The following KCNH8 variants were observed in gnomAD, a reference collection of about 807,000 sequenced individuals.
The protein encoded by KCNH8 is voltage-gated delayed rectifier potassium channel KCNH8.
Under a neutral mutation model 103.6 loss-of-function variants are expected in KCNH8, and 70 were observed. That is an observed-to-expected ratio of 0.68 (90% CI 0.56 to 0.82). KCNH8 has a LOEUF of 0.82. Ranked by LOEUF, KCNH8 falls within the 40% of genes least tolerant of loss-of-function variation. The pLI, the probability that KCNH8 is intolerant of heterozygous loss-of-function variation, is 0.00. For missense variants in KCNH8, 1,217 were observed against 1,329.9 expected, an observed-to-expected ratio of 0.92 and a Z score of 1.32; for synonymous variants, 498 against 489.4, an observed-to-expected ratio of 1.02 and a Z score of -0.23.
chr3:19,534,456 T>C lies in KCNH8; in HGVS notation c.*357T>C, dbSNP rs923872560. 4.0e-6 allele frequency: 1 copy of C among 248,606 alleles called. No homozygotes were observed. Among genetic ancestry groups the C allele is most frequent in the African/African-American group, 2.3e-5 (1 of 44,380 alleles). The allele number at this position is 248,606 out of a possible 1,614,324, so 15.4% of individuals were successfully genotyped here. A position where few individuals can be genotyped will look rare whatever the true frequency, so the allele number is the denominator to read the frequency against. ...TGTGAAGTATGGCAAAGGTTTTTCATGAGTGCCTGATTGTTATTCCTGAAC... is the reference window on the plus strand; with the variant it reads ...TGTGAAGTATGGCAAAGGTTTTTCACGAGTGCCTGATTGTTATTCCTGAAC... On this transcript the variant is annotated 3_prime_UTR_variant, in exon 16 of 16. Coordinates refer to ENST00000328405, the MANE Select transcript of KCNH8 (RefSeq NM_144633.3).
At chr3:19,308,783 TCTCC>T (rs2065172336) in intron 3 of KCNH8, among the ~76,000 whole-genome samples, 2 of 105,294 alleles carry the variant, frequency 1.9e-5, no homozygotes, top group Non-Finnish European at 3.7e-5. Context: ...CCTCTCTCTC[TCTCC>T]CTCTCTCTCT....
chr3:19,199,638 C>T (rs763852710), intron 1 of KCNH8, among the ~76,000 whole-genome samples: 1 of 149,932 alleles, frequency 6.7e-6, no homozygotes. Flanking sequence ...TATATATGTA[C>T]AAAATGATAT....
chr3:19,217,810 C>T (rs1484851200), intron 1 of KCNH8, among the ~76,000 whole-genome samples: 2 of 152,162 alleles, frequency 1.3e-5, no homozygotes, highest in African/African-American at 4.8e-5. Context: ...TTAACTTGTT[C>T]TGTGTGTCTG....
chr3:19,149,492 A>G (rs941507546), intron 1 of KCNH8, among the ~76,000 whole-genome samples: 1 of 151,640 alleles, frequency 6.6e-6, no homozygotes, highest in African/African-American at 2.4e-5. Flanking sequence ...CATTTAGCTC[A>G]TTTAAGCTAC....
Position 19,395,122 on chromosome 3 carries a change from C to A in KCNH8, c.988C>A (p.Leu330Ile), listed in dbSNP as rs1483336668. The A allele has an allele frequency of 6.2e-7, 1 of 1,612,014 alleles. No homozygotes were observed. Among genetic ancestry groups the A allele is most frequent in the Non-Finnish European group, 8.5e-7 (1 of 1,179,028 alleles). ...NVTVVSLVHL[L>I]KTVRLLRLLR... ...ACCACAGGTGTCTCTCGTGCATCTT[C>A]TAAAGACAGTGCGCCTCTTGCGTCT... Residue 330 changes from leucine (L) to isoleucine (I), a missense_variant, in exon 7 of 16, where the codon CTA (leucine) becomes ATA (isoleucine). By Grantham distance (5) the Leu-to-Ile change is conservative (BLOSUM62 2). Around this residue, in one of 3 missense-constraint regions of KCNH8, gnomAD observed 415 missense variants for 577.4 expected, o/e 0.72. Coordinates refer to ENST00000328405, the MANE Select transcript of KCNH8 (RefSeq NM_144633.3).
intron 11 of KCNH8, among the ~76,000 whole-genome samples, chr3:19,476,849 C>G (rs1349474320): frequency 6.6e-6 from 1 of 152,086 alleles, no homozygotes; most frequent in East Asian, 1.9e-4. Context: ...TATCAAGAAA[C>G]TTCTTTGGAT....
intron 7 of KCNH8, among the ~76,000 whole-genome samples, chr3:19,407,600 C>T (rs7611730): frequency 0.62 from 93,495 of 151,724 alleles, 29,244 homozygotes; most frequent in Middle Eastern, 0.7. Context: ...TTGTCTGATT[C>T]AACAGCCCGA....
intron 1 of KCNH8, among the ~76,000 whole-genome samples, chr3:19,196,996 A>G (rs1025401582): frequency 6.6e-6 from 1 of 152,076 alleles, no homozygotes; most frequent in Non-Finnish European, 1.5e-5. Flanking sequence ...AGATTTACAG[A>G]GGAAAGAAGT....
At chr3:19,426,483 T>C (rs1376335239) in intron 7 of KCNH8, among the ~76,000 whole-genome samples, 1 of 151,238 alleles carries the variant, frequency 6.6e-6, no homozygotes, top group African/African-American at 2.4e-5. Context: ...ATATGCATAT[T>C]GGGGCCCCTG....
At chr3:19,444,909 G>A (rs1304439426) in intron 8 of KCNH8, among the ~76,000 whole-genome samples, 3 of 151,884 alleles carry the variant, frequency 2.0e-5, no homozygotes, top group Non-Finnish European at 2.9e-5. Context: ...CATGTCAGTC[G>A]ATACAACTTT....
intron 2 of KCNH8, among the ~76,000 whole-genome samples, chr3:19,262,265 C>G (rs1228303085): frequency 6.6e-6 from 1 of 151,900 alleles, no homozygotes; most frequent in Non-Finnish European, 1.5e-5. Flanking sequence ...TTATTAGTCT[C>G]CTCTTCAGTG....
At chr3:19,326,382 TA>T in intron 3 of KCNH8, among the ~76,000 whole-genome samples, 1 of 142,546 alleles carries the variant, frequency 7.0e-6, no homozygotes, top group Non-Finnish European at 1.5e-5. Flanking sequence ...TATATATATA[TA>T]ATAAATGATT....
At position 19,221,995 on chromosome 3, in the gene KCNH8, G is replaced by A. The variant is rs140468546; in HGVS notation, c.77-31659G>A. Among the ~76,000 whole-genome samples the A allele has an allele frequency of 4.6e-3, 706 of 152,192 alleles. 6 individuals carry two copies. The highest frequency in any genetic ancestry group is 0.016 in the African/African-American group (669 of 41,544). On this transcript the variant is annotated intron_variant, in intron 1 of 15. Transcript: ENST00000328405. ...CCTGAGTAGCTGGGACTACAGGCAC[G>A]TGCCACCACACCAGGCTACTTTTTT...
At chr3:19,218,502 A>G (rs1040175195) in intron 1 of KCNH8, among the ~76,000 whole-genome samples, 1 of 152,204 alleles carries the variant, frequency 6.6e-6, no homozygotes, top group African/African-American at 2.4e-5. Context: ...CTCAGGCTTT[A>G]GTCAGATCAT....
At chr3:19,527,295 T>A (rs1187869911) in intron 15 of KCNH8, among the ~76,000 whole-genome samples, 1 of 152,064 alleles carries the variant, frequency 6.6e-6, no homozygotes, top group Non-Finnish European at 1.5e-5. Context: ...GAAGAATAGT[T>A]ATAGAGATAA....
chr3:19,416,055 G>A (rs1011579770), intron 7 of KCNH8, among the ~76,000 whole-genome samples: 2 of 151,962 alleles, frequency 1.3e-5, no homozygotes, highest in Non-Finnish European at 2.9e-5. Flanking sequence ...TCTATTTAAA[G>A]CTATATATTT....
At chr3:19,237,982 G>A (rs1213468329) in intron 1 of KCNH8, among the ~76,000 whole-genome samples, 1 of 152,174 alleles carries the variant, frequency 6.6e-6, no homozygotes, top group Non-Finnish European at 1.5e-5. Flanking sequence ...GTTGGATTTG[G>A]AGTATATTTC....
At chr3:19,508,173 A>G (rs1338414036) in intron 11 of KCNH8, among the ~76,000 whole-genome samples, 1 of 152,106 alleles carries the variant, frequency 6.6e-6, no homozygotes, top group East Asian at 1.9e-4. Flanking sequence ...TTTTATGTCT[A>G]TATTCATCAG....
chr3:19,507,283 G>A lies in KCNH8; in HGVS notation c.2041-3080G>A, dbSNP rs553238683. 3.1e-3 allele frequency among the ~76,000 whole-genome samples: 471 copies of A among 152,262 alleles called. 4 individuals carry two copies. Among genetic ancestry groups the A allele is most frequent in the African/African-American group, 0.01 (425 of 41,544 alleles). ...GCAGAACCACTGCTGTGGCAATGACGGAGAGGCTGTTGATTGCCTCTGGGA... is the reference window on the plus strand; with the variant it reads ...GCAGAACCACTGCTGTGGCAATGACAGAGAGGCTGTTGATTGCCTCTGGGA... On this transcript the variant is annotated intron_variant, in intron 11 of 15. Coordinates refer to ENST00000328405, the MANE Select transcript of KCNH8 (RefSeq NM_144633.3).
Sources: gnomAD v4.1 joint callset for allele counts (sites outside exome capture counted in the v4.1 genomes callset) on GRCh38, gnomAD v4.1.1 for gene constraint, gnomAD v4.1.1 regional missense constraint, MANE v1.5 for transcripts, NCBI Gene and HGNC (gene_info 2026-07-23, HGNC 2026-07-21) for gene names.